NBEAL1: variants seen among roughly 807,000 people sequenced by gnomAD.
NBEAL1 encodes neurobeachin-like protein 1.
A neutral mutation model predicts 351.3 loss-of-function variants in NBEAL1; 273 were observed. The ratio of observed to expected loss-of-function variants is 0.78; its 90% confidence interval spans 0.70 to 0.86. NBEAL1 has a LOEUF of 0.86. Among genes scored for constraint, NBEAL1 ranks in the 40% least tolerant of loss-of-function variants. The pLI, the probability that NBEAL1 is intolerant of heterozygous loss-of-function variation, is 0.00. For missense variants in NBEAL1, 2,961 were observed against 3,201.3 expected (o/e 0.92, Z 1.81); for synonymous variants, 1,050 against 1,086.4 (o/e 0.97, Z 0.66).
At chr2:203,057,080 T>G (rs1040581197) in intron 5 of NBEAL1, among the ~76,000 whole-genome samples, 1 of 152,222 alleles carries the variant, frequency 6.6e-6, no homozygotes, top group African/African-American at 2.4e-5. Context: ...AATTTGTGAT[T>G]TTTATGTATT....
intron 26 of NBEAL1, among the ~76,000 whole-genome samples, chr2:203,132,846 C>T (rs1366007973): frequency 2.6e-5 from 4 of 152,136 alleles, no homozygotes; most frequent in East Asian, 3.9e-4. Flanking sequence ...ATGGACAGTA[C>T]GTTCAAGCAA....
intron 7 of NBEAL1, among the ~76,000 whole-genome samples, chr2:203,071,927 G>A (rs531713215): frequency 1.2e-4 from 19 of 152,180 alleles, no homozygotes; most frequent in Admixed American, 6.5e-4. Flanking sequence ...TACTTCATGC[G>A]CACTGGGTTG....
chr2:203,034,553 T>C lies in NBEAL1; in HGVS notation c.52-7212T>C, dbSNP rs542252692. ...GGCTCACTGAAACCTCCACCTCCCA[T>C]GTTCAAGCAACTCTCCTGCCTCAGC... On this transcript the variant is annotated intron_variant, in intron 2 of 55. Coordinates refer to ENST00000683969, the MANE Select transcript of NBEAL1 (RefSeq NM_001378026.1). 3.5e-5 allele frequency among the ~76,000 whole-genome samples: 5 copies of C among 140,928 alleles called. 1 individual carries two copies. The highest frequency in any genetic ancestry group is 7.7e-5 in the African/African-American group (3 of 38,872). 92.5% of individuals were successfully genotyped at this position (140,928 alleles called of 152,430 possible). A position where few individuals can be genotyped will look rare whatever the true frequency, so the allele number is the denominator to read the frequency against.
In NBEAL1 at chr2:203,144,938, T is replaced by G. The variant is rs913260603; in HGVS notation, c.5154+33T>G. ...TTATCTTTTTTGATCAAGATTTTTCTGCTAATTTACCATTTTTATAGAGGT... is the reference window on the plus strand; with the variant it reads ...TTATCTTTTTTGATCAAGATTTTTCGGCTAATTTACCATTTTTATAGAGGT... On this transcript the variant is annotated intron_variant, in intron 32 of 55. Transcript: ENST00000683969. The G allele has an allele frequency of 3.9e-6, 6 of 1,529,022 alleles. No individual in the cohort carries two copies. In the African/African-American group the frequency reaches 5.6e-5, roughly 14 times the overall value. The allele number at this position is 1,529,022 out of a possible 1,614,324, so 94.7% of individuals were successfully genotyped here. A position where few individuals can be genotyped will look rare whatever the true frequency, so the allele number is the denominator to read the frequency against.
intron 18 of NBEAL1, among the ~76,000 whole-genome samples, chr2:203,119,275 C>T (rs2062770768): frequency 6.6e-6 from 1 of 151,458 alleles, no homozygotes; most frequent in Non-Finnish European, 1.5e-5. Context: ...TCAAGCAATA[C>T]TCCCACCCCA....
At chr2:203,028,381 T>C (rs547949137) in intron 2 of NBEAL1, among the ~76,000 whole-genome samples, 35 of 152,058 alleles carry the variant, frequency 2.3e-4, no homozygotes, top group Admixed American at 5.9e-4. Context: ...TGCTGAGCTT[T>C]AATTTTTTAA....
At chr2:203,078,619 CGT>C (rs2061819849) in intron 8 of NBEAL1, among the ~76,000 whole-genome samples, 1 of 152,134 alleles carries the variant, frequency 6.6e-6, no homozygotes, top group Non-Finnish European at 1.5e-5. Context: ...GAATTACGGG[CGT>C]GAGTCCCCCA....
intron 42 of NBEAL1, among the ~76,000 whole-genome samples, chr2:203,176,329 C>T (rs1403707206): frequency 6.6e-6 from 1 of 151,788 alleles, no homozygotes; most frequent in African/African-American, 2.4e-5. Flanking sequence ...GGGGTTTTGC[C>T]ATATTGCCCA....
intron 51 of NBEAL1, among the ~76,000 whole-genome samples, chr2:203,205,858 C>A (rs1418156938): frequency 6.6e-6 from 1 of 152,224 alleles, no homozygotes; most frequent in Non-Finnish European, 1.5e-5. Flanking sequence ...GCACTACGCA[C>A]TCAGACTGAT....
At chr2:203,032,940 C>T (rs1438816087) in intron 2 of NBEAL1, among the ~76,000 whole-genome samples, 3 of 151,768 alleles carry the variant, frequency 2.0e-5, no homozygotes, top group Admixed American at 1.3e-4. Flanking sequence ...GCTGGGATTA[C>T]AGGCATGATC....
At chr2:203,207,627 T>C (rs868489978) in intron 51 of NBEAL1, among the ~76,000 whole-genome samples, 11 of 152,326 alleles carry the variant, frequency 7.2e-5, no homozygotes, top group Middle Eastern at 3.4e-3. Context: ...AACCCTGTGC[T>C]CTCTGAAACA....
chr2:203,168,008 A>ATGTGTTTTATGGAAAG (rs2064189964), intron 38 of NBEAL1, among the ~76,000 whole-genome samples: 1 of 152,218 alleles, frequency 6.6e-6, no homozygotes, highest in South Asian at 2.1e-4. Context: ...ACATTAGCAC[A>ATGTGTTTTATGGAAAG]CACAATAACT....
chr2:203,111,050 A>G (rs999277172), intron 15 of NBEAL1, among the ~76,000 whole-genome samples: 1 of 152,162 alleles, frequency 6.6e-6, no homozygotes, highest in African/African-American at 2.4e-5. Flanking sequence ...TCAATTTAAA[A>G]TGAGATGGGG....
At chr2:203,155,697 C>T (rs1000270192) in intron 35 of NBEAL1, among the ~76,000 whole-genome samples, 1 of 152,180 alleles carries the variant, frequency 6.6e-6, no homozygotes, top group African/African-American at 2.4e-5. Context: ...ATCCTTCCAC[C>T]TCAGCCTCCC....
intron 44 of NBEAL1, among the ~76,000 whole-genome samples, chr2:203,184,019 A>G (rs996716809): frequency 6.8e-6 from 1 of 146,184 alleles, no homozygotes; most frequent in South Asian, 2.3e-4. Flanking sequence ...CTGAGGTTGC[A>G]GTGAGCTGAG....
chr2:203,021,588 C>A (rs1156384470), intron 2 of NBEAL1, among the ~76,000 whole-genome samples: 3 of 151,096 alleles, frequency 2.0e-5, no homozygotes, highest in Non-Finnish European at 4.4e-5. Context: ...GAGTGAGACC[C>A]CATTTAAAAA....
intron 46 of NBEAL1, chr2:203,191,421 A>G: frequency 1.8e-6 from 1 of 561,412 alleles, no homozygotes; most frequent in Non-Finnish European, 3.1e-6. Context: ...GGTATCTGAA[A>G]TTAAATCATT....
intron 36 of NBEAL1, among the ~76,000 whole-genome samples, chr2:203,160,683 C>T (rs903399054): frequency 2.0e-5 from 3 of 152,246 alleles, no homozygotes; most frequent in African/African-American, 7.2e-5. Flanking sequence ...TCTGATCTCC[C>T]TCTGTTATGG....
At chr2:203,167,161 G>A (rs1040249272) in intron 37 of NBEAL1, 66 bp from the exon 38 acceptor site, 1 of 1,441,328 alleles carries the variant, frequency 6.9e-7, no homozygotes, top group African/African-American at 1.4e-5. Flanking sequence ...GAACTAAGAG[G>A]TATTTTCTAC....
Sources: gnomAD v4.1 joint callset for allele counts (sites outside exome capture counted in the v4.1 genomes callset) on GRCh38, gnomAD v4.1.1 for gene constraint, MANE v1.5 for transcripts, NCBI Gene and HGNC (gene_info 2026-07-23, HGNC 2026-07-21) for gene names.